The following CADPS variants were observed in gnomAD, a reference collection of about 807,000 sequenced individuals.
CADPS encodes the protein calcium dependent secretion activator, also known as calcium-dependent secretion activator 1.
CADPS carries 57 observed loss-of-function variants against 167.3 expected under a neutral mutation model. The observed-to-expected ratio is 0.34, with a 90% CI of 0.28 to 0.42. CADPS has a LOEUF of 0.42. CADPS is among the 20% of genes least tolerant of loss of function. CADPS has a pLI of 1.00. For synonymous variants in CADPS, 676 were observed against 635.3 expected (o/e 1.06, Z -0.96); for missense variants, 1,414 against 1,738.1 (o/e 0.81, Z 3.32).
chr3:62,771,985 A>C (rs151105839), intron 1 of CADPS, among the ~76,000 whole-genome samples: 3,462 of 152,312 alleles, frequency 0.023, 65 homozygotes, highest in South Asian at 0.061. Context: ...ACCTTGGTCA[A>C]GTAACTGGTT....
intron 1 of CADPS, among the ~76,000 whole-genome samples, chr3:62,801,718 C>T (rs1245382069): frequency 6.6e-6 from 1 of 152,058 alleles, no homozygotes; most frequent in South Asian, 2.1e-4. Flanking sequence ...CCTAAATTGA[C>T]CTGTGAAGCA....
intron 28 of CADPS, among the ~76,000 whole-genome samples, chr3:62,432,207 G>T (rs932137029): frequency 6.6e-6 from 1 of 152,114 alleles, no homozygotes; most frequent in Non-Finnish European, 1.5e-5. Flanking sequence ...GAGACTCATT[G>T]AATTTTTAAC....
rs967722622 is a variant in CADPS, at chr3:62,412,312, G to C, written c.3778-9127C>G. Among the ~76,000 whole-genome samples, 17 of 59,576 alleles carry C rather than the reference G, an allele frequency of 2.9e-4. No homozygotes were observed. Among genetic ancestry groups the C allele is most frequent in the African/African-American group, 7.0e-4 (16 of 22,820 alleles). The allele number at this position is 59,576 out of a possible 152,430, so 39.1% of individuals were successfully genotyped here. On this transcript the variant is annotated intron_variant, in intron 28 of 29. Coordinates refer to ENST00000383710, the MANE Select transcript of CADPS (RefSeq NM_003716.4). The surrounding 1 kb of genome is among the most constrained non-coding windows in gnomAD (Gnocchi z 4.1). ...CACTGACGGAGGAGTCTGAGACAAC[G>C]TGCTACAACCAGTTTCAGAGACTAT...
chr3:62,730,909 T>C (rs2077647627), intron 3 of CADPS, among the ~76,000 whole-genome samples: 2 of 152,216 alleles, frequency 1.3e-5, no homozygotes, highest in African/African-American at 4.8e-5. Context: ...GTCCAATAAC[T>C]GTTAGCAGTT....
chr3:62,652,022 C>T (rs894106034), intron 4 of CADPS, among the ~76,000 whole-genome samples: 1 of 152,156 alleles, frequency 6.6e-6, no homozygotes, highest in Non-Finnish European at 1.5e-5. Context: ...GATATCACCA[C>T]AACTGAGATT....
chr3:62,637,026 C>T (rs186879885), intron 6 of CADPS, among the ~76,000 whole-genome samples: 1 of 151,990 alleles, frequency 6.6e-6, no homozygotes, highest in Admixed American at 6.6e-5. Flanking sequence ...CTCTTTTTTC[C>T]TTCTATTTCT....
At chr3:62,554,438 C>T (rs763296150) in intron 10 of CADPS, among the ~76,000 whole-genome samples, 3 of 152,158 alleles carry the variant, frequency 2.0e-5, no homozygotes, top group Non-Finnish European at 4.4e-5. Flanking sequence ...CAACAGGCCA[C>T]AAGGGTTCTT....
chr3:62,593,956 G>C (rs866247), intron 6 of CADPS, among the ~76,000 whole-genome samples: 84,773 of 151,894 alleles, frequency 0.56, 26,498 homozygotes, highest in Non-Finnish European at 0.69. Context: ...CACAGTGCTA[G>C]ACATATAGAA....
chr3:62,590,322 A>G (rs1211335344), intron 7 of CADPS, among the ~76,000 whole-genome samples: 1 of 152,028 alleles, frequency 6.6e-6, no homozygotes, highest in African/African-American at 2.4e-5. Context: ...GATCTCTGAG[A>G]CTCGTGATTC....
intron 6 of CADPS, among the ~76,000 whole-genome samples, chr3:62,600,142 G>A (rs1458141579): frequency 6.8e-6 from 1 of 148,022 alleles, no homozygotes; most frequent in African/African-American, 2.5e-5. Context: ...TCTTTGAGGA[G>A]TTGATTTCTT....
At position 62,549,998 on chromosome 3, in the gene CADPS, C is replaced by A; in HGVS notation, c.1871G>T (p.Gly624Val). ...CGGGGGCACAGGCTTGTGTGACTGC[C>A]CCGTGGCCCGATACATGGCCTGGAC... Reference protein sequence around the residue: ...LWVQAMYRATGQSHKPVPPTQ... With the variant: ...LWVQAMYRATVQSHKPVPPTQ... Residue 624 changes from glycine to valine, a missense_variant, in exon 11 of 30, where the codon GGG (glycine) becomes GTG (valine). Gly to Val is a moderately radical substitution (Grantham distance 109, BLOSUM62 -3). Transcript: ENST00000383710. The A allele has an allele frequency of 6.2e-7, 1 of 1,614,042 alleles. No individual in the cohort carries two copies. Among genetic ancestry groups the A allele is most frequent in the East Asian group, 2.2e-5 (1 of 44,864 alleles).
intron 28 of CADPS, among the ~76,000 whole-genome samples, chr3:62,417,848 CAAA>C (rs11425155): frequency 7.1e-6 from 1 of 140,530 alleles, no homozygotes; most frequent in South Asian, 2.3e-4. Context: ...AACAAACAAA[CAAA>C]AAAAAACCTA....
intron 6 of CADPS, among the ~76,000 whole-genome samples, chr3:62,595,870 C>T (rs1255939838): frequency 1.3e-5 from 2 of 151,956 alleles, no homozygotes; most frequent in African/African-American, 2.4e-5. Context: ...ATAAAGCAGG[C>T]AGAAAAACGT....
At chr3:62,425,715 C>G (rs1277463102) in intron 28 of CADPS, among the ~76,000 whole-genome samples, 1 of 152,112 alleles carries the variant, frequency 6.6e-6, no homozygotes, top group Non-Finnish European at 1.5e-5. Context: ...TGAAGCCATC[C>G]TTTGTTTAAA....
At chr3:62,492,019 ACAAT>A (rs1416057998) in intron 20 of CADPS, among the ~76,000 whole-genome samples, 4 of 152,166 alleles carry the variant, frequency 2.6e-5, no homozygotes, top group Non-Finnish European at 5.9e-5. Context: ...AATTTGAGAG[ACAAT>A]CAAACACACA....
intron 6 of CADPS, among the ~76,000 whole-genome samples, chr3:62,605,411 G>A (rs2060566291): frequency 6.6e-6 from 1 of 152,212 alleles, no homozygotes; most frequent in African/African-American, 2.4e-5. Flanking sequence ...ACAGCTTTAT[G>A]ATCTCAGACA....
chr3:62,512,894 G>A (rs557415309), intron 16 of CADPS, 126 bp from the exon 17 acceptor site: 1 of 712,086 alleles, frequency 1.4e-6, no homozygotes, highest in Non-Finnish European at 2.2e-6. Flanking sequence ...GGAAAGAAAA[G>A]GTTGCCCTTG....
intron 8 of CADPS, among the ~76,000 whole-genome samples, chr3:62,572,984 C>T (rs866972409): frequency 2.6e-5 from 4 of 152,158 alleles, no homozygotes; most frequent in African/African-American, 7.2e-5. Context: ...TGGGTTCAAG[C>T]GAGTCTCCTC....
At position 62,549,990 on chromosome 3, in the gene CADPS, G is replaced by T. The variant is rs757132281; in HGVS notation, c.1879C>A (p.His627Asn). Residue 627 changes from histidine to asparagine, a missense_variant, in exon 11 of 30, where the codon CAC becomes AAC. Physicochemically the swap from His to Asn is moderately conservative, Grantham distance 68. Around this residue, in one of 6 missense-constraint regions of CADPS, gnomAD observed 529 missense variants for 629.6 expected, o/e 0.84. Transcript: ENST00000383710. ...QAMYRATGQS[H>N]KPVPPTQVQK... Reference sequence around the variant, plus strand: ...ACTTGGGTCGGGGGCACAGGCTTGTGTGACTGCCCCGTGGCCCGATACATG... The same window carrying T: ...ACTTGGGTCGGGGGCACAGGCTTGTTTGACTGCCCCGTGGCCCGATACATG... The T allele has an allele frequency of 2.0e-5, 33 of 1,614,128 alleles. No individual in the cohort carries two copies. In the South Asian group the frequency reaches 3.4e-4, roughly 17 times the overall value.
Sources: allele counts gnomAD v4.1 joint callset (sites outside exome capture counted in the v4.1 genomes callset), GRCh38; gene constraint gnomAD v4.1.1; regional missense constraint gnomAD v4.1.1; non-coding constraint Gnocchi (gnomAD v3.1); transcripts MANE v1.5; gene names NCBI Gene and HGNC (gene_info 2026-07-23, HGNC 2026-07-21).